Variants in PALD1 observed in about 807,000 individuals in gnomAD.
PALD1 encodes paladin.
Under a neutral mutation model 96.0 loss-of-function variants are expected in PALD1, and 57 were observed. The ratio of observed to expected loss-of-function variants is 0.59; its 90% confidence interval spans 0.48 to 0.74. PALD1 has a LOEUF of 0.74. PALD1 is among the 30% of genes least tolerant of loss of function. PALD1 has a pLI of 0.00. For synonymous variants in PALD1, 464 were observed against 473.6 expected (o/e 0.98, Z 0.26); for missense variants, 1,063 against 1,143.7 (o/e 0.93, Z 1.02).
chr10:70,538,200 C>T, intron 11 of PALD1, 80 bp from the exon 12 acceptor site: 3 of 1,460,594 alleles, frequency 2.1e-6, no homozygotes, highest in East Asian at 2.3e-5. Context: ...TTTGGGGCTT[C>T]CCCTGCCATG....
the PALD1 span, among the ~76,000 whole-genome samples, chr10:70,461,722 C>T: frequency 6.6e-6 from 1 of 152,270 alleles, no homozygotes; most frequent in African/African-American, 2.4e-5. Flanking sequence ...CTTTTGTCTT[C>T]AGTCCCAGAA....
intron 1 of PALD1, among the ~76,000 whole-genome samples, chr10:70,492,395 A>G (rs946856898): frequency 1.3e-5 from 2 of 150,700 alleles, no homozygotes; most frequent in African/African-American, 2.4e-5. Context: ...AAGTGGAACC[A>G]TCGTTAAGTC....
intron 18 of PALD1, among the ~76,000 whole-genome samples, chr10:70,554,707 CT>C (rs1261254793): frequency 6.6e-6 from 1 of 151,850 alleles, no homozygotes; most frequent in East Asian, 2.0e-4. Context: ...TTTTCCTGGG[CT>C]TTGCCTGGTG....
chr10:70,534,670 G>A lies in PALD1; in HGVS notation c.1123-69G>A. On this transcript the variant is annotated intron_variant, in intron 9 of 19. Coordinates refer to ENST00000263563, the MANE Select transcript of PALD1 (RefSeq NM_014431.3). ...TTCCCTCTCTTTTCTCTTTTCTCCT[G>A]CCGTTCTGCCTTGACCCTGCTCCCC... is the stretch of plus-strand genomic sequence containing the variant. The A allele has an allele frequency of 2.4e-6, 3 of 1,240,734 alleles. No homozygotes were observed. The South Asian group carries it at 3.8e-5, about 16-fold the overall frequency. 76.9% of individuals were successfully genotyped at this position (1,240,734 alleles called of 1,614,324 possible). A position where few individuals can be genotyped will look rare whatever the true frequency, so the allele number is the denominator to read the frequency against.
At chr10:70,501,813 C>CTGTGTGTGTGTGTG (rs71012209) in intron 1 of PALD1, among the ~76,000 whole-genome samples, 19,985 of 139,100 alleles carry the variant, frequency 0.14, 1,507 homozygotes, top group Non-Finnish European at 0.16. Context: ...CATTTTTACT[C>CTGTGTGTGTGTGTG]TGTGTGTGTG....
At chr10:70,473,749 G>A in the PALD1 span, among the ~76,000 whole-genome samples, 14 of 152,082 alleles carry the variant, frequency 9.2e-5, no homozygotes, top group Admixed American at 7.9e-4. Context: ...AGTTTCAAGC[G>A]ATGCTCGTGC....
At chr10:70,561,050 G>A (rs1006673357) in intron 18 of PALD1, among the ~76,000 whole-genome samples, 1 of 152,182 alleles carries the variant, frequency 6.6e-6, no homozygotes, top group African/African-American at 2.4e-5. Context: ...GGGGGCGGGG[G>A]TCAGGCGTCA....
chr10:70,555,739 C>G (rs556009335), intron 18 of PALD1, among the ~76,000 whole-genome samples: 1 of 152,250 alleles, frequency 6.6e-6, no homozygotes, highest in South Asian at 2.1e-4. Flanking sequence ...CAGTGGCTCC[C>G]GCCTGTAATC....
At chr10:70,503,584 A>G (rs1846335077) in intron 1 of PALD1, among the ~76,000 whole-genome samples, 2 of 152,166 alleles carry the variant, frequency 1.3e-5, no homozygotes, top group Non-Finnish European at 2.9e-5. Context: ...TGGTGAGCCT[A>G]TATCACGCCA....
chr10:70,460,645 G>A, the PALD1 span, among the ~76,000 whole-genome samples: 1 of 152,106 alleles, frequency 6.6e-6, no homozygotes, highest in African/African-American at 2.4e-5. Flanking sequence ...GACAACTGTG[G>A]AGGCCTCCCT....
chr10:70,527,647 G>A (rs1846896465), intron 2 of PALD1, among the ~76,000 whole-genome samples: 1 of 152,210 alleles, frequency 6.6e-6, no homozygotes, highest in Non-Finnish European at 1.5e-5. Context: ...GTTCAGATGT[G>A]AAAACTGGGT....
chr10:70,499,769 A>T (rs1019315311), intron 1 of PALD1, among the ~76,000 whole-genome samples: 1 of 152,134 alleles, frequency 6.6e-6, no homozygotes. Flanking sequence ...GTTTTGCCTG[A>T]TGGGCTGGTG....
chr10:70,501,063 G>A (rs924387824), intron 1 of PALD1, among the ~76,000 whole-genome samples: 7 of 152,142 alleles, frequency 4.6e-5, no homozygotes, highest in African/African-American at 1.2e-4. Context: ...CTTCCTGTCT[G>A]GATAAGCCAT....
chr10:70,460,221 A>G, the PALD1 span, among the ~76,000 whole-genome samples: 1 of 151,656 alleles, frequency 6.6e-6, no homozygotes, highest in Admixed American at 6.6e-5. Context: ...CCCGCCCTCC[A>G]AGGCTGTGCT....
chr10:70,505,009 T>C (rs1391925674), intron 1 of PALD1, among the ~76,000 whole-genome samples: 1 of 152,248 alleles, frequency 6.6e-6, no homozygotes, highest in African/African-American at 2.4e-5. Context: ...GATTTTGTAA[T>C]ATCAGGCATC....
chr10:70,497,994 A>C (rs1174402776), intron 1 of PALD1, among the ~76,000 whole-genome samples: 2 of 152,160 alleles, frequency 1.3e-5, no homozygotes, highest in South Asian at 2.1e-4. Flanking sequence ...AAGAGCATCC[A>C]TATTGTGCAC....
At chr10:70,531,244 T>G (rs1846982819) in intron 4 of PALD1, 46 bp from the exon 5 acceptor site, 1 of 1,560,246 alleles carries the variant, frequency 6.4e-7, no homozygotes, top group African/African-American at 1.4e-5. Flanking sequence ...CAGGTGTCTG[T>G]GCGGGATCAT....
chr10:70,465,674 G>T, the PALD1 span, among the ~76,000 whole-genome samples: 1 of 152,178 alleles, frequency 6.6e-6, no homozygotes, highest in Non-Finnish European at 1.5e-5. Context: ...CACCCTCCAA[G>T]ACATCACGCT....
Position 70,564,496 on chromosome 10 carries a change from C to G in PALD1, c.2395C>G (p.Pro799Ala), listed in dbSNP as rs778069406. ...GGAGAAGGCCGACTCCTGGCAGAGG[C>G]CCTTCAGCACCTGGATGCAGGAGGT... ...HLEKADSWQR[P>A]FSTWMQEVAS... Residue 799 changes from proline to alanine, a missense_variant, in exon 19 of 20, where the codon CCC becomes GCC. Transcript: ENST00000263563. The G allele has an allele frequency of 6.2e-7, 1 of 1,613,906 alleles. No homozygotes were observed. Among genetic ancestry groups the G allele is most frequent in the Non-Finnish European group, 8.5e-7 (1 of 1,179,938 alleles).
Sources: allele counts gnomAD v4.1 joint callset (sites outside exome capture counted in the v4.1 genomes callset), GRCh38; gene constraint gnomAD v4.1.1; transcripts MANE v1.5; gene names NCBI Gene and HGNC (gene_info 2026-07-23, HGNC 2026-07-21).